The following CADM2 variants were observed in gnomAD, a reference collection of about 807,000 sequenced individuals.
CADM2 encodes the protein cell adhesion molecule 2.
A neutral mutation model predicts 49.8 loss-of-function variants in CADM2; 12 were observed. The observed-to-expected ratio is 0.24, with a 90% CI of 0.15 to 0.39. The LOEUF is 0.39. Ranked by LOEUF, CADM2 falls within the 10% of genes least tolerant of loss-of-function variation. The pLI, the probability that CADM2 is intolerant of heterozygous loss-of-function variation, is 1.00. For missense variants in CADM2, 378 were observed against 492.3 expected (o/e 0.77, Z 2.20); for synonymous variants, 214 against 175.4 (o/e 1.22, Z -1.74).
chr3:86,020,454 A>G (rs1430770876), intron 8 of CADM2, among the ~76,000 whole-genome samples: 1 of 152,086 alleles, frequency 6.6e-6, no homozygotes, highest in Non-Finnish European at 1.5e-5. Flanking sequence ...TCCAATCAAT[A>G]GAAAAAGAGG....
chr3:85,733,007 G>C (rs969927797), intron 2 of CADM2, among the ~76,000 whole-genome samples: 7 of 152,280 alleles, frequency 4.6e-5, no homozygotes, highest in African/African-American at 1.7e-4. Context: ...TGGGAGTAGG[G>C]ATAATATAGC....
At chr3:85,012,318 C>CT (rs112790100) in intron 1 of CADM2, among the ~76,000 whole-genome samples, 306 of 142,050 alleles carry the variant, frequency 2.2e-3, no homozygotes, top group Middle Eastern at 3.7e-3. Flanking sequence ...TTGCAAAATG[C>CT]TTTTTTTTTT....
At chr3:85,171,999 T>C (rs1366187406) in intron 1 of CADM2, among the ~76,000 whole-genome samples, 42 of 152,240 alleles carry the variant, frequency 2.8e-4, no homozygotes, top group Admixed American at 2.7e-3. Context: ...ACAATAGATA[T>C]CTTTTACTTT....
chr3:85,551,562 G>GA (rs1417216261), intron 1 of CADM2, among the ~76,000 whole-genome samples: 1 of 152,120 alleles, frequency 6.6e-6, no homozygotes, highest in Non-Finnish European at 1.5e-5. Flanking sequence ...TCATGAGTTA[G>GA]AAAATTGATA....
chr3:85,072,667 CAT>C (rs2036798994), intron 1 of CADM2, among the ~76,000 whole-genome samples: 1 of 152,004 alleles, frequency 6.6e-6, no homozygotes, highest in Non-Finnish European at 1.5e-5. Flanking sequence ...ATTTAAAAGA[CAT>C]AGTCTCTTTT....
At chr3:85,903,100 C>T (rs536076059) in intron 5 of CADM2, among the ~76,000 whole-genome samples, 1 of 152,096 alleles carries the variant, frequency 6.6e-6, no homozygotes, top group East Asian at 1.9e-4. Context: ...TTTTTATCCA[C>T]TTCCTTTGTG....
At chr3:85,921,482 T>A (rs1719108151) in intron 6 of CADM2, among the ~76,000 whole-genome samples, 1 of 152,036 alleles carries the variant, frequency 6.6e-6, no homozygotes, top group South Asian at 2.1e-4. Flanking sequence ...GGTGTTTTTT[T>A]AAATAATATA....
intron 3 of CADM2, among the ~76,000 whole-genome samples, chr3:85,826,506 TGACA>T (rs750166819): frequency 1.3e-5 from 2 of 152,014 alleles, no homozygotes; most frequent in Non-Finnish European, 2.9e-5. Context: ...TAGATGCAAA[TGACA>T]GAGATTGTTT....
chr3:85,590,927 AT>A (rs144075169), intron 1 of CADM2, among the ~76,000 whole-genome samples: 10 of 148,902 alleles, frequency 6.7e-5, no homozygotes, highest in South Asian at 2.1e-4. Flanking sequence ...TTGGAAACTC[AT>A]TTTTTTTTTG....
At chr3:86,051,295 C>T (rs926355958) in intron 8 of CADM2, among the ~76,000 whole-genome samples, 1 of 152,116 alleles carries the variant, frequency 6.6e-6, no homozygotes, top group Admixed American at 6.5e-5. Context: ...TGCTCCAGTT[C>T]CCAGTAAGTT....
Position 85,106,753 on chromosome 3 carries a change from T to C in CADM2, c.61+147085T>C, listed in dbSNP as rs1183184143. 5.3e-5 allele frequency among the ~76,000 whole-genome samples: 8 copies of C among 152,056 alleles called. No homozygotes were observed. The South Asian group carries it at 1.7e-3, about 31-fold the overall frequency. On this transcript the variant is annotated intron_variant, in intron 1 of 9. Transcript: ENST00000383699. ...ATGGCAGTGAATTCTAGGCAGTTTA[T>C]GACAAGGCAGAATAGGGAGGGGTAG... is the stretch of plus-strand genomic sequence containing the variant.
intron 1 of CADM2, among the ~76,000 whole-genome samples, chr3:85,465,845 T>C (rs2038468029): frequency 6.6e-6 from 1 of 152,188 alleles, no homozygotes; most frequent in Non-Finnish European, 1.5e-5. Context: ...TGTTGACTAG[T>C]TGATGTTTAT....
chr3:85,338,461 G>A (rs2045150334), intron 1 of CADM2, among the ~76,000 whole-genome samples: 1 of 151,356 alleles, frequency 6.6e-6, no homozygotes, highest in Non-Finnish European at 1.5e-5. Context: ...GCCCCGAGAA[G>A]CCAGTAATAT....
chr3:85,516,960 C>T (rs1053307303), intron 1 of CADM2, among the ~76,000 whole-genome samples: 1 of 150,934 alleles, frequency 6.6e-6, no homozygotes, highest in Non-Finnish European at 1.5e-5. Flanking sequence ...TCACAGAATA[C>T]CTGTTTTCTA....
intron 8 of CADM2, among the ~76,000 whole-genome samples, chr3:86,020,324 C>T (rs36136070): frequency 0.3 from 45,881 of 151,202 alleles, 8,229 homozygotes; most frequent in Non-Finnish European, 0.38. Context: ...ATAACAGGAG[C>T]TGAAATTGTG....
intron 1 of CADM2, among the ~76,000 whole-genome samples, chr3:85,010,951 C>T (rs371420200): frequency 1.4e-5 from 2 of 145,654 alleles, no homozygotes; most frequent in African/African-American, 5.1e-5. Flanking sequence ...GCAAGCTCCA[C>T]CTCCCGGGTT....
Position 85,121,486 on chromosome 3 carries a change from G to A in CADM2, c.61+161818G>A, listed in dbSNP as rs72905272. On this transcript the variant is annotated intron_variant, in intron 1 of 9. Transcript: ENST00000383699. ...AGTGATCTGCAAAGGATAAAGAGAT[G>A]AGAGAATATGGCGAGGCTTGGATCT... Among the ~76,000 whole-genome samples, 857 of 152,248 alleles carry A rather than the reference G, an allele frequency of 5.6e-3. 8 individuals are homozygous for A. Among genetic ancestry groups the A allele is most frequent in the African/African-American group, 0.019 (803 of 41,550 alleles).
chr3:85,337,976 G>A (rs745479390), intron 1 of CADM2, among the ~76,000 whole-genome samples: 12 of 151,576 alleles, frequency 7.9e-5, no homozygotes, highest in Non-Finnish European at 1.6e-4. Context: ...GAAACATATT[G>A]CATTTTGTTA....
intron 1 of CADM2, among the ~76,000 whole-genome samples, chr3:85,540,283 C>T (rs2061510250): frequency 6.6e-6 from 1 of 152,040 alleles, no homozygotes; most frequent in African/African-American, 2.4e-5. Flanking sequence ...ACAAACACAC[C>T]AGAGCCTCTT....
Sources: gnomAD v4.1 joint callset for allele counts (sites outside exome capture counted in the v4.1 genomes callset) on GRCh38, gnomAD v4.1.1 for gene constraint, MANE v1.5 for transcripts, NCBI Gene and HGNC (gene_info 2026-07-23, HGNC 2026-07-21) for gene names.